The following LYPD6B variants were observed in gnomAD, a reference collection of about 807,000 sequenced individuals.
The protein encoded by LYPD6B is LY6/PLAUR domain containing 6B.
In LYPD6B, 17 loss-of-function variants were observed where a neutral mutation model predicts 22.8. The ratio of observed to expected loss-of-function variants is 0.75; its 90% CI spans 0.51 to 1.12. The LOEUF (loss-of-function observed/expected upper bound fraction) is 1.12. Ranked by LOEUF, LYPD6B falls within the 50% of genes most tolerant of loss-of-function variation. The pLI is 0.00. For synonymous variants in LYPD6B, 106 were observed against 91.6 expected, an observed-to-expected ratio of 1.16 and a Z score of -0.90; for missense variants, 221 against 258.3, an observed-to-expected ratio of 0.86 and a Z score of 0.99.
chr2:149,040,630 T>C (rs1171489435), intron 1 of LYPD6B, among the ~76,000 whole-genome samples: 1 of 152,188 alleles, frequency 6.6e-6, no homozygotes, highest in African/African-American at 2.4e-5. Flanking sequence ...CCGACTGTGA[T>C]TGATAGACTG....
At chr2:149,053,316 T>A (rs375362706) in intron 1 of LYPD6B, among the ~76,000 whole-genome samples, 5 of 152,232 alleles carry the variant, frequency 3.3e-5, no homozygotes, top group Admixed American at 2.6e-4. Flanking sequence ...TTCTGTTGAA[T>A]GAATGTACCA....
intron 1 of LYPD6B, among the ~76,000 whole-genome samples, chr2:149,124,460 A>T (rs1177114320): frequency 6.6e-6 from 1 of 152,184 alleles, no homozygotes; most frequent in Non-Finnish European, 1.5e-5. Context: ...GAAACCCGTG[A>T]TGTTAAGTGG....
At chr2:149,054,438 T>C (rs890372371) in intron 1 of LYPD6B, among the ~76,000 whole-genome samples, 4 of 152,238 alleles carry the variant, frequency 2.6e-5, no homozygotes, top group African/African-American at 9.6e-5. Flanking sequence ...TTTTAAGATT[T>C]TTTTGTCTTT....
At chr2:149,171,375 A>G (rs1690807229) in intron 3 of LYPD6B, among the ~76,000 whole-genome samples, 2 of 123,432 alleles carry the variant, frequency 1.6e-5, no homozygotes, top group Non-Finnish European at 3.7e-5. Flanking sequence ...CAAATAACAT[A>G]TTTTATTACC....
chr2:149,044,819 G>A (rs546091575), intron 1 of LYPD6B, among the ~76,000 whole-genome samples: 1 of 103,780 alleles, frequency 9.6e-6, no homozygotes, highest in Non-Finnish European at 2.1e-5. Flanking sequence ...AATTATGGGT[G>A]GATTTTGAAT....
At chr2:149,160,349 CAG>C in intron 2 of LYPD6B, 1 of 441,202 alleles carries the variant, frequency 2.3e-6, no homozygotes, top group Admixed American at 2.4e-5. Flanking sequence ...TTAAATGGCA[CAG>C]AGTCTTCATT....
chr2:149,184,400 T>G lies in LYPD6B; in HGVS notation c.78-20853T>G, dbSNP rs369411034. On this transcript the variant is annotated intron_variant, in intron 3 of 6. Transcript: ENST00000409642. The stretch of plus-strand genomic sequence containing the variant: ...CCAAGTTTTCTTACATCTGTCCTTC[T>G]GCAGGGCCCAGGGACCTCAGCCTCA... Among the ~76,000 whole-genome samples, 56 of 152,320 alleles carry G rather than the reference T, an allele frequency of 3.7e-4. No individual in the cohort carries two copies. The South Asian group carries it at 3.9e-3, about 11-fold the overall frequency.
intron 1 of LYPD6B, among the ~76,000 whole-genome samples, chr2:149,060,893 A>C (rs1214855963): frequency 2.6e-5 from 4 of 152,188 alleles, no homozygotes; most frequent in African/African-American, 9.6e-5. Context: ...GGGAGCTTCC[A>C]TGAGGGGCAC....
chr2:149,165,862 G>T (rs1690386201), intron 3 of LYPD6B, among the ~76,000 whole-genome samples: 1 of 152,162 alleles, frequency 6.6e-6, no homozygotes, highest in Non-Finnish European at 1.5e-5. Flanking sequence ...TCTAGAGACA[G>T]GGGGATTGGC....
At chr2:149,120,379 A>ATTT (rs1371894805) in intron 1 of LYPD6B, among the ~76,000 whole-genome samples, 1,065 of 43,496 alleles carry the variant, frequency 0.024, 38 homozygotes, top group African/African-American at 0.046. Context: ...ATATATATAT[A>ATTT]TATATTTTTT....
At position 149,205,314 on chromosome 2, in the gene LYPD6B, G is replaced by A. The variant is rs369164244; in HGVS notation, c.139G>A (p.Ala47Thr). Residue 47 changes from alanine to threonine, a missense_variant, in exon 4 of 7, where the codon GCT becomes ACT. By Grantham distance (58) the Ala-to-Thr change is moderately conservative. Coordinates refer to ENST00000409642, the MANE Select transcript of LYPD6B (RefSeq NM_177964.5). Reference sequence around the variant, plus strand: ...CATGCTGCTCCTCTGTCACGCTCTCGCTATAGCTGTTGTCCAGATCGTTAT... The same window carrying A: ...CATGCTGCTCCTCTGTCACGCTCTCACTATAGCTGTTGTCCAGATCGTTAT... ...VSMLLLCHAL[A>T]IAVVQIVIFS... 6.1e-5 allele frequency: 98 copies of A among 1,613,986 alleles called. No homozygotes were observed. The African/African-American group carries it at 7.1e-4, about 12-fold the overall frequency.
chr2:149,097,455 C>T (rs1487737246), intron 1 of LYPD6B, among the ~76,000 whole-genome samples: 2 of 152,290 alleles, frequency 1.3e-5, no homozygotes, highest in East Asian at 3.9e-4. Context: ...TAAATAGCAA[C>T]TAAAAAATTA....
intron 2 of LYPD6B, among the ~76,000 whole-genome samples, chr2:149,159,583 T>TGTGC (rs1491285735): frequency 9.8e-6 from 1 of 102,476 alleles, no homozygotes; most frequent in African/African-American, 4.4e-5. Context: ...AGAGAGCATA[T>TGTGC]GTGTGCGTGT....
intron 1 of LYPD6B, among the ~76,000 whole-genome samples, chr2:149,054,834 G>A (rs898996165): frequency 1.3e-5 from 2 of 151,474 alleles, no homozygotes; most frequent in Non-Finnish European, 2.9e-5. Context: ...AGCCATGATT[G>A]CACTATGGCA....
At chr2:149,068,716 A>G in intron 1 of LYPD6B, 1 of 548,438 alleles carries the variant, frequency 1.8e-6, no homozygotes, top group South Asian at 1.4e-5. Context: ...ACTCTGAAGC[A>G]ACATCCTGAC....
chr2:149,094,005 A>G (rs1032026009), intron 1 of LYPD6B, among the ~76,000 whole-genome samples: 1 of 152,172 alleles, frequency 6.6e-6, no homozygotes, highest in African/African-American at 2.4e-5. Flanking sequence ...ATGTATTCCA[A>G]TAGAATATGA....
At chr2:149,057,702 A>G (rs564390569) in intron 1 of LYPD6B, among the ~76,000 whole-genome samples, 7 of 152,256 alleles carry the variant, frequency 4.6e-5, no homozygotes, top group African/African-American at 1.4e-4. Flanking sequence ...TGGAAGAATT[A>G]CAGCATTGCA....
chr2:149,132,550 G>A (rs1359862895), intron 2 of LYPD6B, among the ~76,000 whole-genome samples: 1 of 152,002 alleles, frequency 6.6e-6, no homozygotes, highest in Non-Finnish European at 1.5e-5. Flanking sequence ...GAAGTGAAAT[G>A]AACTCATTGG....
intron 1 of LYPD6B, among the ~76,000 whole-genome samples, chr2:149,120,549 AT>A (rs1282331692): frequency 9.2e-4 from 135 of 147,106 alleles, no homozygotes; most frequent in African/African-American, 3.0e-3. Context: ...CACATGCCTA[AT>A]TTTTTTGTAT....
Sources: gnomAD v4.1 joint callset for allele counts (sites outside exome capture counted in the v4.1 genomes callset) on GRCh38, gnomAD v4.1.1 for gene constraint, MANE v1.5 for transcripts, NCBI Gene and HGNC (gene_info 2026-07-23, HGNC 2026-07-21) for gene names.